Variants in DCLK2 observed in about 807,000 individuals in gnomAD.
The protein encoded by DCLK2 is serine/threonine-protein kinase DCLK2.
DCLK2 carries 31 observed loss-of-function variants against 78.4 expected under a neutral mutation model. That is an observed-to-expected ratio of 0.40 (90% CI 0.30 to 0.53). DCLK2 has a LOEUF of 0.53. Among genes scored for constraint, DCLK2 ranks in the 20% least tolerant of loss-of-function variants. DCLK2 has a pLI of 0.61. For missense variants in DCLK2, 872 were observed against 973.7 expected, an observed-to-expected ratio of 0.90 and a Z score of 1.39; for synonymous variants, 407 against 374.9, an observed-to-expected ratio of 1.09 and a Z score of -0.99.
chr4:150,197,529 G>A (rs1739140462), intron 3 of DCLK2, among the ~76,000 whole-genome samples: 1 of 152,138 alleles, frequency 6.6e-6, no homozygotes, highest in South Asian at 2.1e-4. Context: ...TGAGGCGGGT[G>A]TACCGCCTGA....
intron 2 of DCLK2, among the ~76,000 whole-genome samples, chr4:150,188,588 A>G (rs918076255): frequency 1.3e-5 from 2 of 152,128 alleles, no homozygotes; most frequent in African/African-American, 4.8e-5. Context: ...TGACAGGTGA[A>G]ATCATTAAAA....
At chr4:150,131,278 TAAAC>T (rs1733293674) in intron 2 of DCLK2, among the ~76,000 whole-genome samples, 1 of 152,186 alleles carries the variant, frequency 6.6e-6, no homozygotes, top group Non-Finnish European at 1.5e-5. Flanking sequence ...AGGAGCAAAT[TAAAC>T]AAATGTGATA....
chr4:150,158,280 G>A (rs1735463230), intron 2 of DCLK2, among the ~76,000 whole-genome samples: 1 of 152,054 alleles, frequency 6.6e-6, no homozygotes, highest in Admixed American at 6.6e-5. Flanking sequence ...ATTGGATTAT[G>A]GCCTACTCAT....
At chr4:150,120,944 A>G (rs12645826) in intron 2 of DCLK2, among the ~76,000 whole-genome samples, 48,506 of 151,824 alleles carry the variant, frequency 0.32, 8,218 homozygotes, top group African/African-American at 0.44. Context: ...GGTGGCAGGC[A>G]CCTGTAATCC....
Position 150,254,748 on chromosome 4 carries a change from C to T in DCLK2, c.2074-1272C>T, listed in dbSNP as rs149422645. On this transcript the variant is annotated intron_variant, in intron 15 of 15. Transcript: ENST00000296550. ...CAGACTGGAGTGCGGTGGTGTGATCCTAGCTCACTGTATCCTCAAACTCCT... is the reference window on the plus strand; with the variant it reads ...CAGACTGGAGTGCGGTGGTGTGATCTTAGCTCACTGTATCCTCAAACTCCT... 5.0e-3 allele frequency among the ~76,000 whole-genome samples: 757 copies of T among 152,188 alleles called. 3 individuals are homozygous for T. Among genetic ancestry groups the T allele is most frequent in the Middle Eastern group, 0.01 (3 of 294 alleles).
chr4:150,206,952 G>C (rs1312121636), intron 5 of DCLK2, among the ~76,000 whole-genome samples: 1 of 152,106 alleles, frequency 6.6e-6, no homozygotes, highest in East Asian at 1.9e-4. Flanking sequence ...CAAGGCACCA[G>C]CTTATTTTTT....
At chr4:150,085,767 A>G (rs1300792254) in intron 1 of DCLK2, among the ~76,000 whole-genome samples, 5 of 152,172 alleles carry the variant, frequency 3.3e-5, no homozygotes, top group African/African-American at 4.8e-5. Flanking sequence ...ACTACACACC[A>G]TATCTGTTAG....
At chr4:150,199,090 C>T (rs10015813) in intron 4 of DCLK2, 161,132 of 1,592,898 alleles carry the variant, frequency 0.1, 15,076 homozygotes, top group South Asian at 0.4. Context: ...TGAGCCATGA[C>T]TATTGTGGCT....
intron 2 of DCLK2, among the ~76,000 whole-genome samples, chr4:150,186,075 G>A (rs955769180): frequency 2.6e-5 from 4 of 152,146 alleles, no homozygotes; most frequent in South Asian, 2.1e-4. Context: ...CACAGGCCAC[G>A]TGGCATCCAT....
At position 150,215,771 on chromosome 4, in the gene DCLK2, T is replaced by G. The variant is rs116034736; in HGVS notation, c.1057-4932T>G. 9.7e-4 allele frequency among the ~76,000 whole-genome samples: 148 copies of G among 152,272 alleles called. 1 individual carries two copies. The highest frequency in any genetic ancestry group is 3.4e-3 in the African/African-American group (140 of 41,566). ...TATGATCTAAGCCCAGCAAAGCCGGTTTGTTCTGTTTTTTCTTAGCCTCTT... is the reference window on the plus strand; with the variant it reads ...TATGATCTAAGCCCAGCAAAGCCGGGTTGTTCTGTTTTTTCTTAGCCTCTT... On this transcript the variant is annotated intron_variant, in intron 5 of 15. Transcript: ENST00000296550.
At position 150,242,015 on chromosome 4, in the gene DCLK2, G is replaced by T. The variant is rs191534759; in HGVS notation, c.1778+1539G>T. 2.0e-5 allele frequency among the ~76,000 whole-genome samples: 3 copies of T among 152,308 alleles called. No individual in the cohort carries two copies. In the East Asian group the frequency reaches 5.8e-4, roughly 29 times the overall value. ...GTACTGGGTCACTATGTGAAAAATG[G>T]TTTTATCTTCTTTTCCATCCAACAT... On this transcript the variant is annotated intron_variant, in intron 12 of 15. Coordinates refer to ENST00000296550, the MANE Select transcript of DCLK2 (RefSeq NM_001040260.4).
chr4:150,082,905 A>G (rs1729407034), intron 1 of DCLK2, among the ~76,000 whole-genome samples: 1 of 152,196 alleles, frequency 6.6e-6, no homozygotes, highest in Admixed American at 6.5e-5. Flanking sequence ...GATGACCTAA[A>G]GAGATATAAC....
At chr4:150,198,967 G>A (rs1046751702) in intron 4 of DCLK2, 13 of 1,157,892 alleles carry the variant, frequency 1.1e-5, no homozygotes, top group Non-Finnish European at 1.4e-5. Flanking sequence ...CGCACATTTA[G>A]AGCTGCTGAA....
intron 2 of DCLK2, among the ~76,000 whole-genome samples, chr4:150,122,032 G>A (rs1285140959): frequency 6.6e-6 from 1 of 152,198 alleles, no homozygotes; most frequent in Non-Finnish European, 1.5e-5. Context: ...ATAGAGCACA[G>A]GTAGAGTAGA....
intron 3 of DCLK2, among the ~76,000 whole-genome samples, chr4:150,194,608 A>G (rs1342426535): frequency 6.6e-6 from 1 of 152,184 alleles, no homozygotes; most frequent in African/African-American, 2.4e-5. Context: ...AGTAATAGTG[A>G]TTATTTTAGC....
chr4:150,132,907 G>A (rs1733425104), intron 2 of DCLK2, among the ~76,000 whole-genome samples: 1 of 152,120 alleles, frequency 6.6e-6, no homozygotes, highest in Admixed American at 6.6e-5. Context: ...AGATTACAGG[G>A]ATAAGCCACC....
chr4:150,248,171 G>T lies in DCLK2; in HGVS notation c.1876-134G>T, dbSNP rs184628883. ...GCATTAGGAGAGTAGGTATAATCACGTTTAGGTTTGAATCAGTTAGCAGCT... is the reference window on the plus strand; with the variant it reads ...GCATTAGGAGAGTAGGTATAATCACTTTTAGGTTTGAATCAGTTAGCAGCT... On this transcript the variant is annotated intron_variant, in intron 13 of 15. Coordinates refer to ENST00000296550, the MANE Select transcript of DCLK2 (RefSeq NM_001040260.4). 28 of 695,394 alleles carry T rather than the reference G, an allele frequency of 4.0e-5. No individual in the cohort carries two copies. In the Admixed American group the frequency reaches 5.5e-4, roughly 14 times the overall value. 43.1% of individuals were successfully genotyped at this position (695,394 alleles called of 1,614,324 possible).
chr4:150,253,561 TCAC>T (rs1420285308), intron 15 of DCLK2: 1 of 1,289,630 alleles, frequency 7.8e-7, no homozygotes, highest in Non-Finnish European at 1.0e-6. Flanking sequence ...ATCCTGGTAT[TCAC>T]CACGCTGCGT....
At chr4:150,128,990 G>T (rs933931950) in intron 2 of DCLK2, among the ~76,000 whole-genome samples, 2 of 152,114 alleles carry the variant, frequency 1.3e-5, no homozygotes, top group African/African-American at 2.4e-5. Context: ...CTAGCATTGT[G>T]GGTAAACACT....
Sources: gnomAD v4.1 joint callset for allele counts (sites outside exome capture counted in the v4.1 genomes callset) on GRCh38, gnomAD v4.1.1 for gene constraint, MANE v1.5 for transcripts, NCBI Gene and HGNC (gene_info 2026-07-23, HGNC 2026-07-21) for gene names.